SCYL2: variants seen among roughly 807,000 people sequenced by gnomAD.
SCYL2 encodes the protein SCY1 like pseudokinase 2, also known as SCY1-like protein 2.
A neutral mutation model predicts 100.4 loss-of-function variants in SCYL2; 36 were observed. The observed-to-expected ratio is 0.36, with a 90% CI of 0.27 to 0.47. The LOEUF (loss-of-function observed/expected upper bound fraction) is 0.47. SCYL2 is among the 20% of genes least tolerant of loss of function. SCYL2 has a pLI of 1.00. For synonymous variants in SCYL2, 330 were observed against 359.2 expected (o/e 0.92, Z 0.92); for missense variants, 902 against 1,083.9 (o/e 0.83, Z 2.36).
intron 3 of SCYL2, among the ~76,000 whole-genome samples, chr12:100,297,581 ACTC>A (rs1264076285): frequency 1.3e-5 from 2 of 152,072 alleles, no homozygotes; most frequent in African/African-American, 4.8e-5. Flanking sequence ...CTTCCTGACT[ACTC>A]CTATTCCAGG....
intron 4 of SCYL2, among the ~76,000 whole-genome samples, chr12:100,300,699 G>C (rs1315160584): frequency 1.3e-5 from 2 of 152,010 alleles, no homozygotes; most frequent in Non-Finnish European, 2.9e-5. Context: ...ATCTCCATGA[G>C]TTCAATTGTT....
chr12:100,283,160 T>A lies in SCYL2; in HGVS notation c.177+13T>A. 6.3e-7 allele frequency: 1 copy of A among 1,579,318 alleles called. No individual in the cohort carries two copies. Among genetic ancestry groups the A allele is most frequent in the Non-Finnish European group, 8.6e-7 (1 of 1,163,308 alleles). ...GTCAACAAAGCAGGTGAGTTTTAATTCAGCATCCACTTGGAAAAAACCCAC... is the reference window on the plus strand; with the variant it reads ...GTCAACAAAGCAGGTGAGTTTTAATACAGCATCCACTTGGAAAAAACCCAC... On this transcript the variant is annotated intron_variant, in intron 2 of 17. Coordinates refer to ENST00000360820, the MANE Select transcript of SCYL2 (RefSeq NM_017988.6).
intron 17 of SCYL2, 116 bp from the exon 18 acceptor site, chr12:100,338,412 G>T (rs926966718): frequency 1.1e-6 from 1 of 882,284 alleles, no homozygotes; most frequent in East Asian, 2.7e-5. Context: ...CTAATTTGGT[G>T]TAGACCATTG....
intron 1 of SCYL2, among the ~76,000 whole-genome samples, chr12:100,282,442 C>T (rs1316005143): frequency 9.3e-6 from 1 of 108,088 alleles, no homozygotes; most frequent in Middle Eastern, 5.2e-3. Context: ...TCTTGGGCCT[C>T]AGCCTCCCAA....
chr12:100,285,851 A>C (rs377426392), intron 2 of SCYL2, among the ~76,000 whole-genome samples: 2 of 152,172 alleles, frequency 1.3e-5, no homozygotes, highest in African/African-American at 4.8e-5. Context: ...TTTCTGAGGC[A>C]AATGCTCTTG....
intron 2 of SCYL2, 149 bp from the exon 3 acceptor site, chr12:100,291,354 A>C (rs1220216518): frequency 3.5e-6 from 2 of 565,826 alleles, no homozygotes; most frequent in East Asian, 3.2e-5. Flanking sequence ...TAGATTTACT[A>C]TCATAAGGAA....
At chr12:100,306,906 A>G (rs966374544) in intron 4 of SCYL2, among the ~76,000 whole-genome samples, 10 of 152,340 alleles carry the variant, frequency 6.6e-5, no homozygotes, top group African/African-American at 2.4e-4. Context: ...TGATACAAAG[A>G]GAATAAAATA....
At chr12:100,278,157 T>C (rs1220900423) in intron 1 of SCYL2, among the ~76,000 whole-genome samples, 1 of 152,214 alleles carries the variant, frequency 6.6e-6, no homozygotes, top group African/African-American at 2.4e-5. Context: ...CATCATTTTT[T>C]ATTTTTATTA....
At chr12:100,318,717 A>G (rs2096352231) in intron 10 of SCYL2, among the ~76,000 whole-genome samples, 1 of 152,164 alleles carries the variant, frequency 6.6e-6, no homozygotes, top group South Asian at 2.1e-4. Flanking sequence ...TCAGTTTTCT[A>G]TGTAGAGATG....
chr12:100,333,872 C>T (rs1018669329), intron 13 of SCYL2: 3 of 230,946 alleles, frequency 1.3e-5, no homozygotes, highest in African/African-American at 7.0e-5. Flanking sequence ...TTATACAAGG[C>T]CCCTGAATAA....
intron 1 of SCYL2, among the ~76,000 whole-genome samples, chr12:100,277,680 T>C (rs1170060064): frequency 1.3e-5 from 2 of 152,216 alleles, no homozygotes; most frequent in South Asian, 2.1e-4. Context: ...GTAATTGAAA[T>C]TTTAAATTAT....
intron 4 of SCYL2, among the ~76,000 whole-genome samples, chr12:100,300,331 C>A (rs1043449938): frequency 6.6e-6 from 1 of 152,038 alleles, no homozygotes; most frequent in Non-Finnish European, 1.5e-5. Flanking sequence ...TGGCAAAATA[C>A]CATCTTAACC....
chr12:100,312,361 T>G, intron 5 of SCYL2, 71 bp from the exon 6 acceptor site: 1 of 1,133,992 alleles, frequency 8.8e-7, no homozygotes, highest in African/African-American at 1.6e-5. Context: ...AATTTAAAGA[T>G]AGATTACTAC....
At chr12:100,318,313 C>CCTTTTT (rs2096351569) in intron 10 of SCYL2, among the ~76,000 whole-genome samples, 1 of 150,064 alleles carries the variant, frequency 6.7e-6, no homozygotes, top group Non-Finnish European at 1.5e-5. Flanking sequence ...GATGCATGTG[C>CCTTTTT]CTTTTTCTTT....
At chr12:100,297,811 C>G (rs778463444) in intron 3 of SCYL2, among the ~76,000 whole-genome samples, 1 of 151,968 alleles carries the variant, frequency 6.6e-6, no homozygotes, top group Non-Finnish European at 1.5e-5. Flanking sequence ...GTTATCACAA[C>G]ACTTAGTTTA....
At chr12:100,286,020 G>C (rs1478770638) in intron 2 of SCYL2, among the ~76,000 whole-genome samples, 1 of 151,958 alleles carries the variant, frequency 6.6e-6, no homozygotes, top group Non-Finnish European at 1.5e-5. Flanking sequence ...TTTAAAAATT[G>C]GAATACTGTT....
At chr12:100,310,085 A>G (rs1156582096) in intron 4 of SCYL2, among the ~76,000 whole-genome samples, 1 of 151,850 alleles carries the variant, frequency 6.6e-6, no homozygotes, top group Non-Finnish European at 1.5e-5. Context: ...TACAACCACC[A>G]CTTCCCAGGT....
intron 8 of SCYL2, among the ~76,000 whole-genome samples, chr12:100,315,281 AAAAC>A (rs1487579938): frequency 1.3e-5 from 2 of 152,186 alleles, no homozygotes; most frequent in African/African-American, 4.8e-5. Flanking sequence ...ATCAAGAGGA[AAAAC>A]AAACATAGCG....
Position 100,294,440 on chromosome 12 carries a change from C to G in SCYL2, c.335+2780C>G, listed in dbSNP as rs1257416016. 5.0e-5 allele frequency among the ~76,000 whole-genome samples: 6 copies of G among 119,662 alleles called. No individual in the cohort carries two copies. In the East Asian group the frequency reaches 1.3e-3, roughly 25 times the overall value. 78.5% of individuals were successfully genotyped at this position (119,662 alleles called of 152,430 possible). A position where few individuals can be genotyped will look rare whatever the true frequency, so the allele number is the denominator to read the frequency against. On this transcript the variant is annotated intron_variant, in intron 3 of 17. Transcript: ENST00000360820. ...GCTGGCCGGGCGGGGGGGCTCCTCACTTCCCAGTAGGGGCGGCCGGGCAGA... is the reference window on the plus strand; with the variant it reads ...GCTGGCCGGGCGGGGGGGCTCCTCAGTTCCCAGTAGGGGCGGCCGGGCAGA...
Sources: gnomAD v4.1 joint callset for allele counts (sites outside exome capture counted in the v4.1 genomes callset) on GRCh38, gnomAD v4.1.1 for gene constraint, MANE v1.5 for transcripts, NCBI Gene and HGNC (gene_info 2026-07-23, HGNC 2026-07-21) for gene names.